Variants in MACROD2 observed in about 807,000 individuals in gnomAD.
MACROD2 encodes mono-ADP ribosylhydrolase 2, also known as ADP-ribose glycohydrolase MACROD2.
MACROD2 carries 36 observed loss-of-function variants against 70.4 expected under a neutral mutation model. That is an observed-to-expected ratio of 0.51 (90% CI 0.39 to 0.68). MACROD2 has a LOEUF of 0.68. Among genes scored for constraint, MACROD2 ranks in the 30% least tolerant of loss-of-function variants. MACROD2 has a pLI of 0.00. For missense variants in MACROD2, 496 were observed against 538.4 expected (o/e 0.92, Z 0.78); for synonymous variants, 172 against 178.8 (o/e 0.96, Z 0.30).
At chr20:14,238,470 G>T (rs1456380750) in intron 3 of MACROD2, among the ~76,000 whole-genome samples, 2 of 152,280 alleles carry the variant, frequency 1.3e-5, no homozygotes, top group East Asian at 3.9e-4. Context: ...AGCAAAAGCT[G>T]CAAGCATCCC....
chr20:14,187,068 A>G (rs7274578), intron 3 of MACROD2, among the ~76,000 whole-genome samples: 29,588 of 151,064 alleles, frequency 0.2, 3,496 homozygotes, highest in African/African-American at 0.33. Flanking sequence ...CAATTTACCC[A>G]TGTAACAAAC....
At chr20:15,452,937 T>A (rs1219950727) in intron 7 of MACROD2, among the ~76,000 whole-genome samples, 1 of 152,152 alleles carries the variant, frequency 6.6e-6, no homozygotes, top group Non-Finnish European at 1.5e-5. Flanking sequence ...AGAAAACTAC[T>A]TTTCTCCCTA....
At chr20:15,191,876 A>G (rs1299399004) in intron 5 of MACROD2, among the ~76,000 whole-genome samples, 3 of 152,014 alleles carry the variant, frequency 2.0e-5, no homozygotes, top group Admixed American at 2.0e-4. Context: ...TTATATAACA[A>G]CAACCAAATC....
intron 5 of MACROD2, among the ~76,000 whole-genome samples, chr20:15,224,887 G>A (rs150898894): frequency 0.012 from 1,758 of 151,726 alleles, 27 homozygotes; most frequent in African/African-American, 0.039. Context: ...TTGAATCCAG[G>A]AAGCAGAGGT....
chr20:14,240,771 T>TC (rs2081921990), intron 3 of MACROD2, among the ~76,000 whole-genome samples: 1 of 152,186 alleles, frequency 6.6e-6, no homozygotes, highest in Non-Finnish European at 1.5e-5. Context: ...GAATAATCAG[T>TC]ACACTAAATG....
intron 5 of MACROD2, among the ~76,000 whole-genome samples, chr20:14,967,257 A>G (rs190432024): frequency 8.0e-4 from 122 of 152,266 alleles, no homozygotes; most frequent in Admixed American, 7.4e-3. Flanking sequence ...CAATGGTGCC[A>G]TCTCTGCTCA....
chr20:14,164,876 T>G (rs548176773), intron 3 of MACROD2, among the ~76,000 whole-genome samples: 38 of 152,254 alleles, frequency 2.5e-4, no homozygotes, highest in East Asian at 1.9e-3. Flanking sequence ...CTGGGACGCA[T>G]GCACTTTGCT....
chr20:15,713,456 T>C (rs2050657762), intron 8 of MACROD2, among the ~76,000 whole-genome samples: 1 of 152,216 alleles, frequency 6.6e-6, no homozygotes, highest in African/African-American at 2.4e-5. Context: ...TACAGGCTTC[T>C]GCTTCTGAGA....
intron 8 of MACROD2, among the ~76,000 whole-genome samples, chr20:15,853,107 AC>A (rs2064318403): frequency 6.6e-6 from 1 of 152,146 alleles, no homozygotes. Flanking sequence ...CCTCGTCTTA[AC>A]CTGGCTTACA....
At chr20:15,465,127 A>G (rs2046868224) in intron 7 of MACROD2, among the ~76,000 whole-genome samples, 2 of 152,226 alleles carry the variant, frequency 1.3e-5, no homozygotes, top group Non-Finnish European at 2.9e-5. Flanking sequence ...ATAAATAAAG[A>G]TAACTAAGGT....
intron 5 of MACROD2, among the ~76,000 whole-genome samples, chr20:14,835,269 C>G (rs2073017029): frequency 6.6e-6 from 1 of 151,950 alleles, no homozygotes; most frequent in African/African-American, 2.4e-5. Flanking sequence ...AAAGAGGATA[C>G]ATGAAGACAT....
chr20:14,268,363 A>G (rs1181063920), intron 3 of MACROD2, among the ~76,000 whole-genome samples: 2 of 152,152 alleles, frequency 1.3e-5, no homozygotes, highest in Non-Finnish European at 2.9e-5. Context: ...CCAAACAAAT[A>G]TCACGCTTTG....
chr20:15,443,858 C>T (rs763992475), intron 7 of MACROD2, among the ~76,000 whole-genome samples: 2 of 152,174 alleles, frequency 1.3e-5, no homozygotes, highest in Non-Finnish European at 2.9e-5. Flanking sequence ...CTATGACACC[C>T]TGGTTTCTAT....
chr20:14,230,683 A>G (rs1234167964), intron 3 of MACROD2, among the ~76,000 whole-genome samples: 2 of 115,606 alleles, frequency 1.7e-5, no homozygotes, highest in Non-Finnish European at 3.4e-5. Context: ...ATATATATAT[A>G]TATATATATA....
intron 8 of MACROD2, among the ~76,000 whole-genome samples, chr20:15,613,590 C>A (rs767446321): frequency 2.2e-4 from 33 of 152,190 alleles, no homozygotes; most frequent in Non-Finnish European, 4.1e-4. Flanking sequence ...GATATCATCC[C>A]ATTAAAGCTT....
At chr20:15,001,194 C>G (rs376488809) in intron 5 of MACROD2, among the ~76,000 whole-genome samples, 2 of 152,104 alleles carry the variant, frequency 1.3e-5, no homozygotes, top group African/African-American at 4.8e-5. Flanking sequence ...ACCCAGAACC[C>G]TCCTAGTACT....
At chr20:16,042,313 G>A (rs1043311193) in intron 16 of MACROD2, among the ~76,000 whole-genome samples, 1 of 151,978 alleles carries the variant, frequency 6.6e-6, no homozygotes, top group Non-Finnish European at 1.5e-5. Context: ...TGTTAGTTAT[G>A]AGCAGTTGAA....
In MACROD2 at chr20:15,092,888, G is replaced by A. The variant is rs145628647; in HGVS notation, c.419-137052G>A. Among the ~76,000 whole-genome samples, 99 of 152,272 alleles carry A rather than the reference G, an allele frequency of 6.5e-4. No individual in the cohort carries two copies. The Middle Eastern group carries it at 0.01, about 16-fold the overall frequency. On this transcript the variant is annotated intron_variant, in intron 5 of 17. Coordinates refer to ENST00000684519, the MANE Select transcript of MACROD2 (RefSeq NM_001351661.2). ...TGGGCTGCTGTCTCTCTCCGAATAAGTGCTAAGTGAAGCAGGAATGTTTTA... is the reference window on the plus strand; with the variant it reads ...TGGGCTGCTGTCTCTCTCCGAATAAATGCTAAGTGAAGCAGGAATGTTTTA...
intron 8 of MACROD2, among the ~76,000 whole-genome samples, chr20:15,584,368 T>C (rs2048567761): frequency 6.6e-6 from 1 of 152,130 alleles, no homozygotes; most frequent in Non-Finnish European, 1.5e-5. Flanking sequence ...TATTGCCAGC[T>C]TAACACTTGA....
Sources: allele counts gnomAD v4.1 joint callset (sites outside exome capture counted in the v4.1 genomes callset), GRCh38; gene constraint gnomAD v4.1.1; transcripts MANE v1.5; gene names NCBI Gene and HGNC (gene_info 2026-07-23, HGNC 2026-07-21).